Variants in MACROD1 observed in about 807,000 individuals in gnomAD.
The protein encoded by MACROD1 is mono-ADP ribosylhydrolase 1, also known as ADP-ribose glycohydrolase MACROD1.
Under a neutral mutation model 41.4 loss-of-function variants are expected in MACROD1, and 31 were observed. That is an observed-to-expected ratio of 0.75 (90% confidence interval 0.56 to 1.01). The LOEUF (loss-of-function observed/expected upper bound fraction) is 1.01, where lower values mean the gene tolerates loss of function less well. MACROD1 is among the 50% of genes least tolerant of loss of function. The probability of loss-of-function intolerance (pLI) is 0.00; values close to 1 mark genes in which losing one functional copy is unlikely to be tolerated. For missense variants in MACROD1, 473 were observed against 460.0 expected (o/e 1.03, Z -0.26); for synonymous variants, 252 against 203.4 (o/e 1.24, Z -2.03).
intron 3 of MACROD1, among the ~76,000 whole-genome samples, chr11:64,094,915 A>G (rs1944550812): frequency 6.6e-6 from 1 of 152,190 alleles, no homozygotes; most frequent in African/African-American, 2.4e-5. Flanking sequence ...GTGTCCCAAG[A>G]GGGGAGGTAG....
Position 64,125,010 on chromosome 11 carries a change from G to A in MACROD1, c.517+26229C>T, listed in dbSNP as rs116637682. 2.8e-3 allele frequency among the ~76,000 whole-genome samples: 422 copies of A among 152,188 alleles called. 2 individuals carry two copies. Among genetic ancestry groups the A allele is most frequent in the African/African-American group, 9.4e-3 (392 of 41,532 alleles). On this transcript the variant is annotated intron_variant, in intron 3 of 10. Transcript: ENST00000255681. The stretch of plus-strand genomic sequence containing the variant: ...CTCGTCTTTTCTCCACGTCTCCCCC[G>A]GAGACCCCTGCCTGGGACAGCTCCT...
intron 3 of MACROD1, among the ~76,000 whole-genome samples, chr11:64,087,364 T>G (rs1214489828): frequency 6.6e-6 from 1 of 152,058 alleles, no homozygotes; most frequent in East Asian, 1.9e-4. Context: ...CTGCCACCCC[T>G]GCCACGGCTG....
intron 3 of MACROD1, among the ~76,000 whole-genome samples, chr11:64,037,577 G>A (rs1217797815): frequency 6.6e-6 from 1 of 152,196 alleles, no homozygotes; most frequent in African/African-American, 2.4e-5. Flanking sequence ...GGGGGCCCTG[G>A]TAGGTGTGAG....
rs571750087 is a variant in MACROD1, at chr11:64,000,455, G to C, written c.548-112C>G. 2.1e-4 allele frequency: 135 copies of C among 630,656 alleles called. 4 individuals are homozygous for C. The South Asian group carries it at 3.4e-3, about 16-fold the overall frequency. The allele number at this position is 630,656 out of a possible 1,614,324, so 39.1% of individuals were successfully genotyped here. On this transcript the variant is annotated intron_variant, in intron 4 of 10. Coordinates refer to ENST00000255681, the MANE Select transcript of MACROD1 (RefSeq NM_014067.4). ...GATGCGAGGACCCATGCGGAGCCGC[G>C]CCCCAACCCCGTGGCCTCCGGCCGC...
intron 4 of MACROD1, among the ~76,000 whole-genome samples, chr11:64,012,124 C>G (rs1258915903): frequency 6.6e-6 from 1 of 152,220 alleles, no homozygotes; most frequent in African/African-American, 2.4e-5. Context: ...CCAGGGGCAC[C>G]CGCCCCGTCC....
intron 3 of MACROD1, among the ~76,000 whole-genome samples, chr11:64,133,957 G>A (rs2134664348): frequency 6.6e-6 from 1 of 152,394 alleles, no homozygotes; most frequent in South Asian, 2.1e-4. Flanking sequence ...CCAAGGAAAT[G>A]GAGGAGAGGG....
intron 3 of MACROD1, among the ~76,000 whole-genome samples, chr11:64,062,503 GCCT>G (rs1403200833): frequency 1.3e-5 from 2 of 152,210 alleles, no homozygotes; most frequent in Non-Finnish European, 2.9e-5. Context: ...ATCTGGCGCA[GCCT>G]CCTCCTGCAC....
chr11:64,081,931 C>T (rs61205179), intron 3 of MACROD1: 3 of 152,290 alleles, frequency 2.0e-5, no homozygotes, highest in Admixed American at 2.0e-4. Flanking sequence ...TCCCGGCTCT[C>T]GAGTGCCGCG....
intron 3 of MACROD1, among the ~76,000 whole-genome samples, chr11:64,124,638 G>A (rs150579143): frequency 3.3e-5 from 5 of 152,116 alleles, no homozygotes; most frequent in African/African-American, 7.2e-5. Flanking sequence ...ACAGATTTGC[G>A]GGTGTGCCTG....
intron 3 of MACROD1, among the ~76,000 whole-genome samples, chr11:64,110,171 C>T (rs1251087733): frequency 2.6e-5 from 4 of 152,014 alleles, no homozygotes; most frequent in African/African-American, 9.7e-5. Flanking sequence ...AGCCTGAGGC[C>T]CGGCGTGGTG....
chr11:64,061,855 C>T (rs1943910003), intron 3 of MACROD1, among the ~76,000 whole-genome samples: 2 of 143,250 alleles, frequency 1.4e-5, no homozygotes, highest in Admixed American at 7.0e-5. Flanking sequence ...GGACCACAGG[C>T]GTGTGCCACC....
intron 3 of MACROD1, among the ~76,000 whole-genome samples, chr11:64,125,993 T>C (rs997556689): frequency 3.9e-5 from 6 of 152,222 alleles, no homozygotes; most frequent in African/African-American, 1.4e-4. Context: ...TTCATCTCCC[T>C]GGAGCCAGGC....
intron 3 of MACROD1, chr11:64,138,639 G>A (rs1028473047): frequency 2.0e-5 from 15 of 740,678 alleles, no homozygotes; most frequent in Non-Finnish European, 2.3e-5. Flanking sequence ...CTGCGATGCC[G>A]CTCGGCTCTG....
intron 3 of MACROD1, among the ~76,000 whole-genome samples, chr11:64,077,742 C>T (rs1386587894): frequency 6.6e-6 from 1 of 152,252 alleles, no homozygotes; most frequent in Non-Finnish European, 1.5e-5. Context: ...CCCCTCACTG[C>T]ATTGCCGAGG....
At chr11:64,117,423 G>A (rs752962938) in intron 3 of MACROD1, 20 of 1,612,462 alleles carry the variant, frequency 1.2e-5, no homozygotes, top group East Asian at 6.7e-5. Flanking sequence ...GCCGCAGGGC[G>A]GCGTGGCCAA....
intron 3 of MACROD1, among the ~76,000 whole-genome samples, chr11:64,050,274 G>A (rs1405384930): frequency 6.6e-6 from 1 of 152,148 alleles, no homozygotes; most frequent in Admixed American, 6.5e-5. Flanking sequence ...CGAGAGATGA[G>A]TGGCTCCCCA....
intron 4 of MACROD1, among the ~76,000 whole-genome samples, chr11:64,005,122 C>T (rs1040489649): frequency 1.3e-5 from 2 of 151,972 alleles, no homozygotes; most frequent in African/African-American, 4.8e-5. Context: ...CTCCGCCTCC[C>T]GGGTTCAAGC....
At chr11:64,091,090 A>C (rs1590894170) in intron 3 of MACROD1, among the ~76,000 whole-genome samples, 1 of 110,374 alleles carries the variant, frequency 9.1e-6, no homozygotes. Context: ...TGGGAGGAGG[A>C]GGGGAGAAGG....
chr11:64,029,342 G>A (rs1002874556), intron 3 of MACROD1, among the ~76,000 whole-genome samples: 10 of 152,138 alleles, frequency 6.6e-5, no homozygotes, highest in Non-Finnish European at 1.2e-4. Flanking sequence ...TCTGGCGGCC[G>A]GCAGAAGAGG....
Sources: allele counts gnomAD v4.1 joint callset (sites outside exome capture counted in the v4.1 genomes callset), GRCh38; gene constraint gnomAD v4.1.1; transcripts MANE v1.5; gene names NCBI Gene and HGNC (gene_info 2026-07-23, HGNC 2026-07-21).